Variants in LAMA2 observed in about 807,000 individuals in gnomAD.
LAMA2 encodes laminin subunit alpha 2.
LAMA2 carries 269 observed loss-of-function variants against 364.8 expected under a neutral mutation model. That is an observed-to-expected ratio of 0.74 (90% CI 0.67 to 0.82). LAMA2 has a LOEUF of 0.82. Among genes scored for constraint, LAMA2 ranks in the 40% least tolerant of loss-of-function variants. The pLI is 0.00. For missense variants in LAMA2, 3,807 were observed against 3,873.2 expected, an observed-to-expected ratio of 0.98 and a Z score of 0.45; for synonymous variants, 1,379 against 1,370.6, an observed-to-expected ratio of 1.01 and a Z score of -0.14.
In LAMA2 at chr6:129,358,742, T is replaced by A. The variant is rs76606718; in HGVS notation, c.4717+5385T>A. ...GTATCTAAGCATAATAGGTGCTCAATAAATTCTAGGCATTGTTATCATCAT... is the reference window on the plus strand; with the variant it reads ...GTATCTAAGCATAATAGGTGCTCAAAAAATTCTAGGCATTGTTATCATCAT... On this transcript the variant is annotated intron_variant, in intron 32 of 64. Transcript: ENST00000421865. Among the ~76,000 whole-genome samples, 642 of 152,200 alleles carry A rather than the reference T, an allele frequency of 4.2e-3. 6 individuals are homozygous for A. Among genetic ancestry groups the A allele is most frequent in the African/African-American group, 0.015 (625 of 41,576 alleles).
intron 1 of LAMA2, among the ~76,000 whole-genome samples, chr6:128,966,773 G>T (rs1159846103): frequency 1.3e-5 from 2 of 152,094 alleles, no homozygotes; most frequent in East Asian, 3.9e-4. Flanking sequence ...TCATCAAATG[G>T]TTAATTCTTT....
At chr6:129,303,666 G>T (rs1430528634) in intron 22 of LAMA2, among the ~76,000 whole-genome samples, 1 of 152,122 alleles carries the variant, frequency 6.6e-6, no homozygotes, top group Non-Finnish European at 1.5e-5. Context: ...CTATTGAGAT[G>T]ACCATATGAT....
At chr6:129,171,128 A>G (rs186529604) in intron 9 of LAMA2, among the ~76,000 whole-genome samples, 16 of 152,252 alleles carry the variant, frequency 1.1e-4, no homozygotes, top group Admixed American at 4.6e-4. Flanking sequence ...CTCTTTATCC[A>G]ATTTGCCAGT....
chr6:129,431,755 A>G (rs1021923369), intron 41 of LAMA2, among the ~76,000 whole-genome samples: 24 of 152,216 alleles, frequency 1.6e-4, no homozygotes, highest in Admixed American at 9.8e-4. Flanking sequence ...AGTATGAAAC[A>G]TTATTCCAAT....
chr6:128,969,765 TA>T (rs1782077668), intron 1 of LAMA2, among the ~76,000 whole-genome samples: 1 of 152,018 alleles, frequency 6.6e-6, no homozygotes, highest in South Asian at 2.1e-4. Flanking sequence ...GAAGTTACAA[TA>T]AAAATGCTTC....
chr6:128,990,079 T>C lies in LAMA2; in HGVS notation c.113-59839T>C, dbSNP rs1281385196. On this transcript the variant is annotated intron_variant, in intron 1 of 64. Coordinates refer to ENST00000421865, the MANE Select transcript of LAMA2 (RefSeq NM_000426.4). ...TTATTTTAAAATGCTTTCTTATTCT[T>C]TATTATGACCACTATTAAAACCAAA... 7.2e-5 allele frequency among the ~76,000 whole-genome samples: 11 copies of C among 152,334 alleles called. No individual in the cohort carries two copies. In the East Asian group the frequency reaches 1.9e-3, roughly 27 times the overall value.
intron 12 of LAMA2, among the ~76,000 whole-genome samples, chr6:129,247,804 C>T (rs374072573): frequency 3.9e-5 from 6 of 152,252 alleles, no homozygotes; most frequent in Admixed American, 6.5e-5. Flanking sequence ...TTACTATTAT[C>T]GCTATTATTA....
intron 1 of LAMA2, among the ~76,000 whole-genome samples, chr6:128,992,781 A>G (rs548322329): frequency 5.3e-5 from 8 of 152,122 alleles, no homozygotes; most frequent in Non-Finnish European, 7.4e-5. Flanking sequence ...TGACATTTCA[A>G]TTTTCCCGCT....
intron 46 of LAMA2, among the ~76,000 whole-genome samples, chr6:129,453,420 A>C (rs1276844528): frequency 1.3e-5 from 2 of 152,176 alleles, no homozygotes; most frequent in Admixed American, 1.3e-4. Context: ...TAAGAATGCT[A>C]ATGAGAATAA....
chr6:129,397,114 G>C (rs1779698573), intron 37 of LAMA2, among the ~76,000 whole-genome samples: 1 of 151,670 alleles, frequency 6.6e-6, no homozygotes, highest in Non-Finnish European at 1.5e-5. Context: ...GAAAAAGAAA[G>C]TGTCCAATTT....
At chr6:129,278,314 T>C (rs1193502892) in intron 17 of LAMA2, among the ~76,000 whole-genome samples, 1 of 152,254 alleles carries the variant, frequency 6.6e-6, no homozygotes, top group Non-Finnish European at 1.5e-5. Context: ...TATGGTTTTC[T>C]TTCAATCAGT....
intron 40 of LAMA2, among the ~76,000 whole-genome samples, chr6:129,410,229 C>CCTCCCTTT: frequency 6.6e-6 from 1 of 152,078 alleles, no homozygotes. Flanking sequence ...TCCTTCCTTT[C>CCTCCCTTT]CTCCCTTTCT....
At chr6:129,045,032 G>C (rs774395442) in intron 1 of LAMA2, among the ~76,000 whole-genome samples, 2 of 152,212 alleles carry the variant, frequency 1.3e-5, no homozygotes, top group Middle Eastern at 3.4e-3. Flanking sequence ...TTCAATAAAA[G>C]CTCAGATATT....
In LAMA2 at chr6:129,106,296, C is replaced by T. The variant is rs1775819025; in HGVS notation, c.639+7881C>T. 1.3e-5 allele frequency among the ~76,000 whole-genome samples: 2 copies of T among 151,824 alleles called. 1 individual carries two copies. The highest frequency in any genetic ancestry group is 1.3e-4 in the Admixed American group (2 of 15,218). On this transcript the variant is annotated intron_variant, in intron 4 of 64. Coordinates refer to ENST00000421865, the MANE Select transcript of LAMA2 (RefSeq NM_000426.4). Reference sequence around the variant, plus strand: ...ATGGTGGTCCTTAGAATTGCAAATACAGGAGAAGGAAGACACAAACCCAAG... The same window carrying T: ...ATGGTGGTCCTTAGAATTGCAAATATAGGAGAAGGAAGACACAAACCCAAG...
intron 29 of LAMA2, among the ~76,000 whole-genome samples, chr6:129,332,548 A>T (rs1014074250): frequency 3.9e-5 from 6 of 152,150 alleles, no homozygotes; most frequent in African/African-American, 1.4e-4. Flanking sequence ...TGGAATTTTG[A>T]TTGTAATTAA....
intron 40 of LAMA2, among the ~76,000 whole-genome samples, chr6:129,414,436 T>A (rs1780685958): frequency 1.3e-5 from 2 of 152,212 alleles, no homozygotes; most frequent in Middle Eastern, 3.4e-3. Context: ...AAAACCCAGT[T>A]CAAATGTACA....
chr6:129,376,341 C>A (rs559474134), intron 34 of LAMA2, among the ~76,000 whole-genome samples: 1 of 152,324 alleles, frequency 6.6e-6, no homozygotes, highest in East Asian at 1.9e-4. Flanking sequence ...TCTACTACCC[C>A]ACTCTCATCC....
chr6:129,108,130 AT>A (rs1227308936), intron 4 of LAMA2, among the ~76,000 whole-genome samples: 9 of 151,668 alleles, frequency 5.9e-5, no homozygotes, highest in Non-Finnish European at 1.0e-4. Context: ...TATCTTGCTC[AT>A]TTTTTAATCT....
chr6:129,434,150 A>C (rs1781730420), intron 41 of LAMA2, among the ~76,000 whole-genome samples: 1 of 152,192 alleles, frequency 6.6e-6, no homozygotes, highest in African/African-American at 2.4e-5. Context: ...AAACATGATA[A>C]ACAAGAGTAA....
Sources: gnomAD v4.1 joint callset for allele counts (sites outside exome capture counted in the v4.1 genomes callset) on GRCh38, gnomAD v4.1.1 for gene constraint, MANE v1.5 for transcripts, NCBI Gene and HGNC (gene_info 2026-07-23, HGNC 2026-07-21) for gene names.